Variants in DPYSL2 observed in about 807,000 individuals in gnomAD.
DPYSL2 encodes dihydropyrimidinase like 2.
In DPYSL2, 13 loss-of-function variants were observed where a neutral mutation model predicts 69.9. The observed-to-expected ratio is 0.19, with a 90% CI of 0.12 to 0.30. The LOEUF (loss-of-function observed/expected upper bound fraction) is 0.30. Ranked by LOEUF, DPYSL2 falls within the 10% of genes least tolerant of loss-of-function variation. The pLI, the probability that DPYSL2 is intolerant of heterozygous loss-of-function variation, is 1.00. For synonymous variants in DPYSL2, 326 were observed against 359.1 expected (o/e 0.91, Z 1.04); for missense variants, 587 against 918.9 (o/e 0.64, Z 4.67).
chr8:26,634,732 C>G (rs745913729), intron 7 of DPYSL2, 48 bp from the exon 8 acceptor site: 1 of 1,612,378 alleles, frequency 6.2e-7, no homozygotes, highest in Non-Finnish European at 8.5e-7. Flanking sequence ...GGTAGCGGCT[C>G]GTGGGGTGGG....
In DPYSL2 at chr8:26,627,371, C is replaced by G; in HGVS notation, c.936+76C>G. ...CAGGCTCAAGAAAGGGAAGCTGCAT[C>G]TGTAGCTTAACACCAAGGTGGAAAA... is the stretch of plus-strand genomic sequence containing the variant. On this transcript the variant is annotated intron_variant, in intron 6 of 13. Transcript: ENST00000521913. This position sits in a 1 kb window ranked among gnomAD's most constrained non-coding sequence, Gnocchi z 6.9. 1.4e-6 allele frequency: 2 copies of G among 1,458,700 alleles called. No homozygotes were observed. Among genetic ancestry groups the G allele is most frequent in the Non-Finnish European group, 1.9e-6 (2 of 1,042,262 alleles). 90.4% of individuals were successfully genotyped at this position (1,458,700 alleles called of 1,614,324 possible).
intron 1 of DPYSL2, among the ~76,000 whole-genome samples, chr8:26,529,406 T>A (rs541307042): frequency 3.9e-5 from 6 of 152,198 alleles, no homozygotes; most frequent in East Asian, 1.9e-4. Context: ...CATAGCTCAT[T>A]GCAGCCTTGA....
chr8:26,524,545 C>T (rs533091803), intron 1 of DPYSL2, among the ~76,000 whole-genome samples: 1 of 152,120 alleles, frequency 6.6e-6, no homozygotes, highest in South Asian at 2.1e-4. Flanking sequence ...TGCCTGTAAT[C>T]TCAGCACTTT....
chr8:26,520,764 A>T (rs1808372168), intron 1 of DPYSL2, among the ~76,000 whole-genome samples: 1 of 152,176 alleles, frequency 6.6e-6, no homozygotes, highest in Admixed American at 6.5e-5. Flanking sequence ...AACAAGAAAC[A>T]TTTATTTCTC....
intron 3 of DPYSL2, among the ~76,000 whole-genome samples, chr8:26,618,913 G>A (rs550647601): frequency 1.6e-4 from 25 of 152,010 alleles, no homozygotes; most frequent in Non-Finnish European, 3.5e-4. Flanking sequence ...AGCTGAGATC[G>A]CGCCACTGCA....
intron 1 of DPYSL2, among the ~76,000 whole-genome samples, chr8:26,557,033 A>G (rs571928877): frequency 6.6e-6 from 1 of 152,276 alleles, no homozygotes; most frequent in South Asian, 2.1e-4. Context: ...GCAAAAACAT[A>G]AATCTAGACA....
chr8:26,583,566 G>A (rs1053287568), intron 2 of DPYSL2, among the ~76,000 whole-genome samples: 2 of 152,130 alleles, frequency 1.3e-5, no homozygotes, highest in Admixed American at 6.5e-5. Context: ...GGAACAAAAC[G>A]TCTTTGAGTG....
Position 26,641,505 on chromosome 8 carries a change from C to T in DPYSL2, c.1127-1934C>T, listed in dbSNP as rs1413352610. 6.6e-6 allele frequency among the ~76,000 whole-genome samples: 1 copy of T among 152,226 alleles called. No homozygotes were observed. The highest frequency in any genetic ancestry group is 1.5e-5 in the Non-Finnish European group (1 of 68,046). On this transcript the variant is annotated intron_variant, in intron 8 of 13. Coordinates refer to ENST00000521913, the MANE Select transcript of DPYSL2 (RefSeq NM_001197293.3). This position sits in a 1 kb window ranked among gnomAD's most constrained non-coding sequence, Gnocchi z 4.1. ...ATGACTGCTGCTGGGTCCTGCCCAG[C>T]CATTTGCATTTTATAAAGGTCTTTG...
chr8:26,577,947 T>A, intron 1 of DPYSL2: 2 of 1,230,294 alleles, frequency 1.6e-6, no homozygotes, highest in South Asian at 1.8e-5. Context: ...AGGCTTTTAT[T>A]GCTGTAGTTT....
intron 1 of DPYSL2, among the ~76,000 whole-genome samples, chr8:26,557,371 T>TA (rs888374049): frequency 3.3e-5 from 5 of 151,392 alleles, no homozygotes; most frequent in African/African-American, 1.2e-4. Flanking sequence ...AAACACCCAA[T>TA]AGAAAAGTGG....
At chr8:26,604,248 G>A (rs1204437712) in intron 3 of DPYSL2, among the ~76,000 whole-genome samples, 4 of 152,206 alleles carry the variant, frequency 2.6e-5, no homozygotes, top group African/African-American at 7.2e-5. Context: ...GTAGTTTATG[G>A]TTCTTAAATG....
intron 3 of DPYSL2, among the ~76,000 whole-genome samples, chr8:26,622,904 C>T (rs1454308751): frequency 6.6e-6 from 1 of 152,224 alleles, no homozygotes; most frequent in African/African-American, 2.4e-5. Flanking sequence ...CTCAGAACTG[C>T]TTACCTGTGT....
At chr8:26,530,066 C>A (rs1405601591) in intron 1 of DPYSL2, among the ~76,000 whole-genome samples, 2 of 127,596 alleles carry the variant, frequency 1.6e-5, no homozygotes, top group East Asian at 5.0e-4. Context: ...GAGCCGAGAT[C>A]GTGCCATTGC....
rs1803010042 is a variant in DPYSL2 at position 26,640,225 on chromosome 8, T to A, written c.1127-3214T>A. 6.6e-6 allele frequency among the ~76,000 whole-genome samples: 1 copy of A among 152,232 alleles called. No individual in the cohort carries two copies. The highest frequency in any genetic ancestry group is 1.5e-5 in the Non-Finnish European group (1 of 68,028). On this transcript the variant is annotated intron_variant, in intron 8 of 13. Coordinates refer to ENST00000521913, the MANE Select transcript of DPYSL2 (RefSeq NM_001197293.3). This position sits in a 1 kb window ranked among gnomAD's most constrained non-coding sequence, Gnocchi z 4.2. ...CAGCCTTCCATTTATTCTTCATGAA[T>A]GCACACGGGCCCCAGACTGGTTGTA...
At chr8:26,537,613 C>CACACACACACACAT (rs1800614655) in intron 1 of DPYSL2, among the ~76,000 whole-genome samples, 1 of 150,986 alleles carries the variant, frequency 6.6e-6, no homozygotes, top group Admixed American at 6.6e-5. Context: ...TCTCTCTCTA[C>CACACACACACACAT]ACACACACAC....
intron 7 of DPYSL2, 123 bp from the exon 8 acceptor site, chr8:26,634,657 G>A (rs1802859223): frequency 6.5e-7 from 1 of 1,533,304 alleles, no homozygotes; most frequent in South Asian, 1.2e-5. Flanking sequence ...TTGTCCCCTG[G>A]GGTAGGACCT....
intron 3 of DPYSL2, among the ~76,000 whole-genome samples, chr8:26,603,523 G>A (rs141113012): frequency 1.3e-3 from 193 of 152,274 alleles, no homozygotes; most frequent in African/African-American, 2.8e-3. Flanking sequence ...TTTACCACTC[G>A]AACTATTATT....
At chr8:26,606,669 T>G (rs1335793333) in intron 3 of DPYSL2, among the ~76,000 whole-genome samples, 2 of 152,174 alleles carry the variant, frequency 1.3e-5, no homozygotes, top group Non-Finnish European at 2.9e-5. Flanking sequence ...AAATACAAAT[T>G]GAAGTTTCAC....
At chr8:26,615,919 C>T (rs1036459670) in intron 3 of DPYSL2, among the ~76,000 whole-genome samples, 1 of 152,196 alleles carries the variant, frequency 6.6e-6, no homozygotes, top group Non-Finnish European at 1.5e-5. Context: ...AAATACTACA[C>T]AGTGTTTTAT....
Sources: allele counts gnomAD v4.1 joint callset (sites outside exome capture counted in the v4.1 genomes callset), GRCh38; gene constraint gnomAD v4.1.1; non-coding constraint Gnocchi (gnomAD v3.1); transcripts MANE v1.5; gene names NCBI Gene and HGNC (gene_info 2026-07-23, HGNC 2026-07-21).